Variants in EPHA4 observed in about 807,000 individuals in gnomAD.
EPHA4 encodes ephrin type-A receptor 4.
EPHA4 carries 19 observed loss-of-function variants against 108.3 expected under a neutral mutation model. The observed-to-expected ratio is 0.18, with a 90% CI of 0.12 to 0.26. The LOEUF (loss-of-function observed/expected upper bound fraction) is 0.26, where lower values mean the gene tolerates loss of function less well. EPHA4 is among the 10% of genes least tolerant of loss of function. The pLI is 1.00. For synonymous variants in EPHA4, 449 were observed against 455.5 expected, an observed-to-expected ratio of 0.99 and a Z score of 0.18; for missense variants, 917 against 1,254.0, an observed-to-expected ratio of 0.73 and a Z score of 4.06.
chr2:221,561,078 T>C (rs1388711604), intron 3 of EPHA4, among the ~76,000 whole-genome samples: 1 of 152,040 alleles, frequency 6.6e-6, no homozygotes, highest in African/African-American at 2.4e-5. Context: ...CCGTCTCTAC[T>C]AAAAATACAA....
intron 5 of EPHA4, among the ~76,000 whole-genome samples, chr2:221,480,305 A>C (rs935735071): frequency 6.6e-6 from 1 of 152,132 alleles, no homozygotes; most frequent in Non-Finnish European, 1.5e-5. Context: ...AGGCTCCAAA[A>C]GTCCATCCCT....
chr2:221,422,341 T>C (rs1308828576), intron 17 of EPHA4, among the ~76,000 whole-genome samples: 1 of 152,206 alleles, frequency 6.6e-6, no homozygotes, highest in African/African-American at 2.4e-5. Context: ...CTAGAGTGTA[T>C]TCCACGTCCT....
At chr2:221,507,684 C>T (rs958486898) in intron 3 of EPHA4, among the ~76,000 whole-genome samples, 17 of 152,024 alleles carry the variant, frequency 1.1e-4, no homozygotes, top group Non-Finnish European at 8.8e-5. Flanking sequence ...AAAGGGTTTA[C>T]TCTCAATCCC....
At chr2:221,437,611 G>A (rs1410941636) in intron 11 of EPHA4, 1 of 152,960 alleles carries the variant, frequency 6.5e-6, no homozygotes, top group African/African-American at 2.4e-5. Flanking sequence ...ACCCAGACAA[G>A]CCTTAAAACC....
At chr2:221,512,102 A>T (rs983666393) in intron 3 of EPHA4, among the ~76,000 whole-genome samples, 2 of 152,202 alleles carry the variant, frequency 1.3e-5, no homozygotes, top group African/African-American at 4.8e-5. Flanking sequence ...TATAAATTCA[A>T]GTAGATTAAG....
chr2:221,552,438 T>C (rs182437528), intron 3 of EPHA4, among the ~76,000 whole-genome samples: 321 of 152,284 alleles, frequency 2.1e-3, no homozygotes, highest in Admixed American at 3.6e-3. Flanking sequence ...TGTTCCCCAC[T>C]TGGGCTACTG....
intron 3 of EPHA4, among the ~76,000 whole-genome samples, chr2:221,554,416 T>C (rs991239700): frequency 1.3e-5 from 2 of 152,252 alleles, no homozygotes; most frequent in Admixed American, 6.5e-5. Flanking sequence ...CCTCTTCTTC[T>C]AGTTTATAGA....
chr2:221,422,223 G>A (rs1689780695), intron 17 of EPHA4, among the ~76,000 whole-genome samples: 1 of 152,154 alleles, frequency 6.6e-6, no homozygotes, highest in Non-Finnish European at 1.5e-5. Context: ...CTGGAAATCG[G>A]TCAAATCCAT....
Position 221,436,970 on chromosome 2 carries a change from C to T in EPHA4, c.2136+91G>A, listed in dbSNP as rs776141853. The T allele has an allele frequency of 4.2e-5, 39 of 934,810 alleles. 1 individual carries two copies. The highest frequency in any genetic ancestry group is 1.4e-4 in the Admixed American group (7 of 48,322). The allele number at this position is 934,810 out of a possible 1,614,324, so 57.9% of individuals were successfully genotyped here. Reference sequence around the variant, plus strand: ...TTCTTTGCCCATTAAAAGAAATCCACGAATACCACCGAACACAACAAACAC... The same window carrying T: ...TTCTTTGCCCATTAAAAGAAATCCATGAATACCACCGAACACAACAAACAC... On this transcript the variant is annotated intron_variant, in intron 12 of 17. Transcript: ENST00000281821.
rs180957670 is a variant in EPHA4 at position 221,473,905 on chromosome 2, T to A, written c.1318+8447A>T. On this transcript the variant is annotated intron_variant, in intron 5 of 17. Coordinates refer to ENST00000281821, the MANE Select transcript of EPHA4 (RefSeq NM_004438.5). ...GATGAGAAACAAACCAGAATTAGGC[T>A]GTCAAGTGATTACTGGTGAATGAAT... Among the ~76,000 whole-genome samples, 80 of 152,302 alleles carry A rather than the reference T, an allele frequency of 5.3e-4. 1 individual carries two copies. Among genetic ancestry groups the A allele is most frequent in the African/African-American group, 1.5e-3 (64 of 41,554 alleles).
At chr2:221,566,217 T>G (rs1330500273) in intron 2 of EPHA4, among the ~76,000 whole-genome samples, 1 of 152,142 alleles carries the variant, frequency 6.6e-6, no homozygotes, top group African/African-American at 2.4e-5. Flanking sequence ...GGTGGTATTG[T>G]CAAATCAAGT....
Position 221,564,003 on chromosome 2 carries a change from G to A in EPHA4, c.551C>T (p.Ala184Val). 6.2e-7 allele frequency: 1 copy of A among 1,614,004 alleles called. No individual in the cohort carries two copies. The highest frequency in any genetic ancestry group is 1.1e-5 in the South Asian group (1 of 91,074). The change falls in exon 3 of 18, where the codon GCT becomes GTT. Residue 184 changes from alanine to valine, a missense_variant. Physicochemically the swap from Ala to Val is moderately conservative, Grantham distance 64. Transcript: ENST00000281821. ...GATGCAGGCCCCCACATCCTGAAAA[G>A]CCAGGTAAAACCCCTTTTTGCTTAA... ...GPLSKKGFYL[A>V]FQDVGACIAL...
intron 3 of EPHA4, among the ~76,000 whole-genome samples, chr2:221,554,169 G>A (rs1403710772): frequency 1.3e-5 from 2 of 152,120 alleles, no homozygotes; most frequent in Non-Finnish European, 2.9e-5. Flanking sequence ...CATGTACAGA[G>A]AGCATTCTGC....
At chr2:221,514,679 G>A (rs1444296815) in intron 3 of EPHA4, among the ~76,000 whole-genome samples, 1 of 152,148 alleles carries the variant, frequency 6.6e-6, no homozygotes, top group East Asian at 1.9e-4. Context: ...ATGGCATGCA[G>A]GAGAAATACC....
chr2:221,484,394 C>T (rs890283105), intron 4 of EPHA4, among the ~76,000 whole-genome samples: 4 of 152,192 alleles, frequency 2.6e-5, no homozygotes, highest in Non-Finnish European at 5.9e-5. Context: ...CCAAACTCCC[C>T]TCAGGACTAA....
At chr2:221,446,704 C>G (rs1282050354) in intron 8 of EPHA4, among the ~76,000 whole-genome samples, 1 of 152,130 alleles carries the variant, frequency 6.6e-6, no homozygotes, top group Non-Finnish European at 1.5e-5. Flanking sequence ...TATCATATTA[C>G]ATGATACTCT....
At chr2:221,437,904 C>T (rs1156262041) in intron 11 of EPHA4, among the ~76,000 whole-genome samples, 5 of 151,578 alleles carry the variant, frequency 3.3e-5, no homozygotes, top group Middle Eastern at 3.4e-3. Flanking sequence ...GCCTGGGGGG[C>T]GACGATACAG....
At chr2:221,553,236 T>C (rs542692867) in intron 3 of EPHA4, among the ~76,000 whole-genome samples, 2 of 152,356 alleles carry the variant, frequency 1.3e-5, no homozygotes, top group African/African-American at 4.8e-5. Context: ...AATAATTTGC[T>C]TGTAGTTTTC....
intron 3 of EPHA4, chr2:221,501,460 T>C: frequency 3.2e-6 from 1 of 309,650 alleles, no homozygotes. Context: ...AACGCCTTTC[T>C]ATGTGCCAGA....
Sources: allele counts gnomAD v4.1 joint callset (sites outside exome capture counted in the v4.1 genomes callset), GRCh38; gene constraint gnomAD v4.1.1; transcripts MANE v1.5; gene names NCBI Gene and HGNC (gene_info 2026-07-23, HGNC 2026-07-21).